RCSD1: variants seen among roughly 807,000 people sequenced by gnomAD.
RCSD1 encodes capZ-interacting protein.
A neutral mutation model predicts 42.5 loss-of-function variants in RCSD1; 26 were observed. The observed-to-expected ratio is 0.61, with a 90% confidence interval of 0.45 to 0.85. RCSD1 has a LOEUF of 0.85. Ranked by LOEUF, RCSD1 falls within the 40% of genes least tolerant of loss-of-function variation. The pLI, the probability that RCSD1 is intolerant of heterozygous loss-of-function variation, is 0.00. For missense variants in RCSD1, 571 were observed against 528.3 expected (o/e 1.08, Z -0.79); for synonymous variants, 220 against 212.2 (o/e 1.04, Z -0.32).
intron 1 of RCSD1, among the ~76,000 whole-genome samples, chr1:167,676,229 G>A (rs1422156593): frequency 6.6e-6 from 1 of 152,166 alleles, no homozygotes; most frequent in African/African-American, 2.4e-5. Flanking sequence ...CAGACAGTCT[G>A]GCTCAAAGCC....
chr1:167,637,230 G>A (rs541685057), intron 1 of RCSD1, among the ~76,000 whole-genome samples: 7 of 152,162 alleles, frequency 4.6e-5, no homozygotes, highest in Non-Finnish European at 8.8e-5. Context: ...GAAACAGCAC[G>A]GTGTGCATGG....
At chr1:167,688,614 G>C (rs1443598999) in intron 3 of RCSD1, among the ~76,000 whole-genome samples, 1 of 152,228 alleles carries the variant, frequency 6.6e-6, no homozygotes, top group Non-Finnish European at 1.5e-5. Flanking sequence ...ATTAGAAGGA[G>C]TGGGGATCCT....
chr1:167,656,479 T>A (rs1434509479), intron 1 of RCSD1, among the ~76,000 whole-genome samples: 1 of 152,264 alleles, frequency 6.6e-6, no homozygotes, highest in Non-Finnish European at 1.5e-5. Flanking sequence ...TTTTCCTTTT[T>A]TAATTGAGCA....
chr1:167,670,584 C>T (rs539927001), intron 1 of RCSD1, among the ~76,000 whole-genome samples: 33 of 152,326 alleles, frequency 2.2e-4, no homozygotes, highest in Admixed American at 7.2e-4. Context: ...TCAGCCTCTG[C>T]CATCACCTTG....
intron 1 of RCSD1, among the ~76,000 whole-genome samples, chr1:167,636,615 G>A (rs1657861893): frequency 6.6e-6 from 1 of 151,890 alleles, no homozygotes; most frequent in South Asian, 2.1e-4. Flanking sequence ...TTTAGACGGA[G>A]TTTTGCTCTT....
intron 1 of RCSD1, among the ~76,000 whole-genome samples, chr1:167,635,580 C>A (rs150914798): frequency 3.3e-5 from 5 of 152,242 alleles, no homozygotes; most frequent in Admixed American, 2.6e-4. Context: ...TGAACACTGG[C>A]GGCTCAGCAG....
In RCSD1 at chr1:167,704,931, T is replaced by C. The variant is rs150035648; in HGVS notation, c.*235T>C. On this transcript the variant is annotated 3_prime_UTR_variant, in exon 7 of 7. Transcript: ENST00000367854. ...CTTTTATCAGCTTGAGTTTATGTCA[T>C]TTGATGGACTTGGTTCAACAACAAG... 1 of 488,234 alleles carries C rather than the reference T, an allele frequency of 2.0e-6. No homozygotes were observed. Among genetic ancestry groups the C allele is most frequent in the Non-Finnish European group, 3.8e-6 (1 of 265,114 alleles). 30.2% of individuals were successfully genotyped at this position (488,234 alleles called of 1,614,324 possible).
At chr1:167,634,941 A>AGT (rs68149146) in intron 1 of RCSD1, among the ~76,000 whole-genome samples, 13,375 of 146,514 alleles carry the variant, frequency 0.091, 625 homozygotes, top group Middle Eastern at 0.17. Context: ...CTATGATGAG[A>AGT]GTGTGTGTGT....
At chr1:167,641,607 A>G (rs1658006741) in intron 1 of RCSD1, 1 of 152,208 alleles carries the variant, frequency 6.6e-6, no homozygotes, top group African/African-American at 2.4e-5. Context: ...AATCCCAGAT[A>G]CTCAGGAGGC....
chr1:167,684,137 T>C (rs1571094695), intron 2 of RCSD1, 136 bp downstream of exon 2: 4 of 685,686 alleles, frequency 5.8e-6, no homozygotes, highest in Admixed American at 5.3e-5. Flanking sequence ...GCTGGAGGGG[T>C]TTCTCTGAAT....
chr1:167,699,127 T>C (rs1659581667), intron 6 of RCSD1, among the ~76,000 whole-genome samples: 1 of 136,018 alleles, frequency 7.4e-6, no homozygotes, highest in Non-Finnish European at 1.5e-5. Context: ...CTGCTTCCAC[T>C]TTTTTTTCCC....
chr1:167,649,344 C>A (rs565211490), intron 1 of RCSD1, among the ~76,000 whole-genome samples: 1 of 152,264 alleles, frequency 6.6e-6, no homozygotes, highest in South Asian at 2.1e-4. Context: ...ACACAGAAGG[C>A]GCTTGGGGCT....
chr1:167,646,106 A>G (rs907873649), intron 1 of RCSD1, among the ~76,000 whole-genome samples: 3 of 152,246 alleles, frequency 2.0e-5, no homozygotes, highest in South Asian at 2.1e-4. Flanking sequence ...GGGCAGAGTT[A>G]GAGAGAAAGT....
At chr1:167,665,822 T>C (rs1487708194) in intron 1 of RCSD1, among the ~76,000 whole-genome samples, 13 of 152,148 alleles carry the variant, frequency 8.5e-5, no homozygotes, top group Non-Finnish European at 1.8e-4. Flanking sequence ...AGCACCTTTT[T>C]TTTTTTTGAG....
intron 1 of RCSD1, among the ~76,000 whole-genome samples, chr1:167,682,630 G>A (rs572829767): frequency 4.1e-4 from 63 of 152,036 alleles, no homozygotes; most frequent in African/African-American, 1.5e-3. Flanking sequence ...AGAAAGCTCA[G>A]AGACACCACT....
At chr1:167,678,035 T>C (rs1240823825) in intron 1 of RCSD1, among the ~76,000 whole-genome samples, 2 of 152,208 alleles carry the variant, frequency 1.3e-5, no homozygotes, top group East Asian at 1.9e-4. Context: ...CCATCCCATC[T>C]GCATTCTACA....
intron 4 of RCSD1, among the ~76,000 whole-genome samples, chr1:167,692,956 CCAGATA>C (rs147071969): frequency 0.047 from 7,117 of 151,916 alleles, 227 homozygotes; most frequent in Middle Eastern, 0.12. Flanking sequence ...TACACAGGGA[CCAGATA>C]GAAAAGACTT....
chr1:167,667,621 C>T (rs1658692349), intron 1 of RCSD1, among the ~76,000 whole-genome samples: 1 of 152,196 alleles, frequency 6.6e-6, no homozygotes, highest in Non-Finnish European at 1.5e-5. Flanking sequence ...CAGTTAGAGA[C>T]AGGAGGCTCA....
rs377574726 is a variant in RCSD1 at position 167,684,604 on chromosome 1, G to A, written c.108+603G>A. 5.9e-5 allele frequency among the ~76,000 whole-genome samples: 9 copies of A among 152,202 alleles called. No homozygotes were observed. The East Asian group carries it at 1.7e-3, about 30-fold the overall frequency. ...AAGTGAGATGAGGGGGCCGGGCACG[G>A]TGGCTCACGCCTGTAATTTCAGCAC... is the stretch of plus-strand genomic sequence containing the variant. On this transcript the variant is annotated intron_variant, in intron 2 of 6. Coordinates refer to ENST00000367854, the MANE Select transcript of RCSD1 (RefSeq NM_052862.4).
Sources: allele counts gnomAD v4.1 joint callset (sites outside exome capture counted in the v4.1 genomes callset), GRCh38; gene constraint gnomAD v4.1.1; transcripts MANE v1.5; gene names NCBI Gene and HGNC (gene_info 2026-07-23, HGNC 2026-07-21).